CLEC4M: variants seen among roughly 807,000 people sequenced by gnomAD.
CLEC4M encodes the protein C-type lectin domain family 4 member M, also known as CD209 antigen-like protein 1.
Under a neutral mutation model 39.1 loss-of-function variants are expected in CLEC4M, and 25 were observed. The ratio of observed to expected loss-of-function variants is 0.64; its 90% CI spans 0.47 to 0.89. The LOEUF is 0.89. Among genes scored for constraint, CLEC4M ranks in the 40% least tolerant of loss-of-function variants. The pLI, the probability that CLEC4M is intolerant of heterozygous loss-of-function variation, is 0.00. For missense variants in CLEC4M, 353 were observed against 431.4 expected, an observed-to-expected ratio of 0.82 and a Z score of 1.61; for synonymous variants, 155 against 177.4, an observed-to-expected ratio of 0.87 and a Z score of 1.00.
In CLEC4M at chr19:7,767,647, G is replaced by T. The variant is rs371142211; in HGVS notation, c.1049+19G>T. The T allele has an allele frequency of 3.7e-6, 6 of 1,603,506 alleles. No individual in the cohort carries two copies. In the East Asian group the frequency reaches 1.3e-4, roughly 36 times the overall value. ...CACCCAGGTAGATTCTGGGAGAAAGGGACACTGTATCCAGTCGGGCTGGGT... is the reference window on the plus strand; with the variant it reads ...CACCCAGGTAGATTCTGGGAGAAAGTGACACTGTATCCAGTCGGGCTGGGT... On this transcript the variant is annotated intron_variant, in intron 6 of 6. Coordinates refer to ENST00000327325, the MANE Select transcript of CLEC4M (RefSeq NM_014257.5).
At chr19:7,768,778 T>C (rs2034391505) in intron 6 of CLEC4M, 60 bp from the exon 7 acceptor site, 8 of 1,580,896 alleles carry the variant, frequency 5.1e-6, no homozygotes, top group Middle Eastern at 1.7e-4. Flanking sequence ...TTACAGAAGG[T>C]AGGAGTGTGG....
intron 2 of CLEC4M, among the ~76,000 whole-genome samples, chr19:7,764,232 AG>A (rs1264503988): frequency 6.6e-6 from 1 of 152,034 alleles, no homozygotes; most frequent in Non-Finnish European, 1.5e-5. Flanking sequence ...AGATCTGTGC[AG>A]GGGGAAGCAT....
chr19:7,768,130 A>AT (rs2034359684), intron 6 of CLEC4M: 1 of 159,196 alleles, frequency 6.3e-6, no homozygotes, highest in African/African-American at 2.4e-5. Context: ...GATATGAAGC[A>AT]TTTTGTGGGC....
chr19:7,768,575 CAAAAAA>C (rs1315236511), intron 6 of CLEC4M: 1 of 287,700 alleles, frequency 3.5e-6, no homozygotes, highest in African/African-American at 2.2e-5. Context: ...GAATCTGTCT[CAAAAAA>C]AGAAAAAGAG....
At chr19:7,768,708 G>A (rs1452731275) in intron 6 of CLEC4M, 130 bp from the exon 7 acceptor site, 1 of 1,040,858 alleles carries the variant, frequency 9.6e-7, no homozygotes, top group Non-Finnish European at 1.4e-6. Flanking sequence ...CATATTATGA[G>A]GTGTGGAGAG....
At chr19:7,765,134 G>A (rs768755596) in intron 2 of CLEC4M, 51 bp from the exon 3 acceptor site, 2 of 1,600,366 alleles carry the variant, frequency 1.2e-6, no homozygotes, top group East Asian at 2.2e-5. Flanking sequence ...CTCTCCCTGG[G>A]CCAGGCTCAG....
chr19:7,767,120 T>G, intron 5 of CLEC4M: 1 of 458,606 alleles, frequency 2.2e-6, no homozygotes, highest in Non-Finnish European at 4.0e-6. Flanking sequence ...TGTAAATATT[T>G]CCACTGCGGC....
intron 2 of CLEC4M, 26 bp downstream of exon 2, chr19:7,763,502 G>C (rs1599500790): frequency 3.8e-6 from 6 of 1,596,544 alleles, no homozygotes; most frequent in Non-Finnish European, 4.3e-6. Flanking sequence ...GGAGCAGATA[G>C]TGGAAGACAG....
chr19:7,763,733 GT>G (rs1443513084), intron 2 of CLEC4M, among the ~76,000 whole-genome samples: 1 of 151,034 alleles, frequency 6.6e-6, no homozygotes, highest in Non-Finnish European at 1.5e-5. Flanking sequence ...AGAGGTGGGG[GT>G]TGGAAGCTGG....
At position 7,765,074 on chromosome 19, in the gene CLEC4M, G is replaced by GGCT. The variant is rs1599507347; in HGVS notation, c.131-109_131-107dup. 5.2e-6 allele frequency: 6 copies of GGCT among 1,146,392 alleles called. No homozygotes were observed. In the East Asian group the frequency reaches 1.4e-4, roughly 27 times the overall value. 71.0% of individuals were successfully genotyped at this position (1,146,392 alleles called of 1,614,324 possible). Reference sequence around the variant, plus strand: ...GATTCCCAGGTGTTGGAGTGGAGGGGGCTGGGGCTGGGGTTCCTGGGTCCT... The same window carrying GGCT: ...GATTCCCAGGTGTTGGAGTGGAGGGGGCTGCTGGGGCTGGGGTTCCTGGGTCCT... On this transcript the variant is annotated intron_variant, in intron 2 of 6. Transcript: ENST00000327325.
intron 4 of CLEC4M, 140 bp downstream of exon 4, chr19:7,766,347 T>G: frequency 1.3e-6 from 2 of 1,490,634 alleles, no homozygotes; most frequent in Admixed American, 4.3e-5. Context: ...ATCATTGCAC[T>G]TGGTGTTCAC....
chr19:7,766,544 C>A (rs1355485197), intron 4 of CLEC4M, 112 bp from the exon 5 acceptor site: 4 of 1,565,070 alleles, frequency 2.6e-6, no homozygotes, highest in Non-Finnish European at 3.5e-6. Context: ...GCGGTCCACC[C>A]AACATGGACA....
Position 7,763,321 on chromosome 19 carries a change from G to A in CLEC4M, c.46+9G>A. ...GCAGCTGGGCCTCCTGGGTAAGGCT[G>A]GGTTGGAACTCTGGGATCCTGGGTA... On this transcript the variant is annotated intron_variant, in intron 1 of 6. Coordinates refer to ENST00000327325, the MANE Select transcript of CLEC4M (RefSeq NM_014257.5). The A allele has an allele frequency of 1.2e-6, 2 of 1,611,450 alleles. No homozygotes were observed. The highest frequency in any genetic ancestry group is 8.5e-7 in the Non-Finnish European group (1 of 1,178,622).
rs1164800080 is a variant in CLEC4M, at chr19:7,767,344, A to G, written c.937-172A>G. ...TGCGTGCCTGCATGTCAGGACACAC[A>G]TGCCATGGGGATACAGATGTGAGAG... On this transcript the variant is annotated intron_variant, in intron 5 of 6. Coordinates refer to ENST00000327325, the MANE Select transcript of CLEC4M (RefSeq NM_014257.5). The G allele has an allele frequency of 5.1e-6, 3 of 589,734 alleles. No individual in the cohort carries two copies. The South Asian group carries it at 6.1e-5, about 12-fold the overall frequency. 36.5% of individuals were successfully genotyped at this position (589,734 alleles called of 1,614,324 possible). A position where few individuals can be genotyped will look rare whatever the true frequency, so the allele number is the denominator to read the frequency against.
rs769000372 is a variant in CLEC4M at position 7,766,227 on chromosome 19, G to T, written c.784+20G>T. ...CATTTGGTGAGTTCCTGCACATCAA[G>T]GGTCCTTGGGCCTGAGATGGTCTCT... On this transcript the variant is annotated intron_variant, in intron 4 of 6. Coordinates refer to ENST00000327325, the MANE Select transcript of CLEC4M (RefSeq NM_014257.5). 9.3e-6 allele frequency: 15 copies of T among 1,613,100 alleles called. No homozygotes were observed. The highest frequency in any genetic ancestry group is 1.3e-5 in the Non-Finnish European group (15 of 1,179,404).
At chr19:7,764,835 T>C (rs751480511) in intron 2 of CLEC4M, among the ~76,000 whole-genome samples, 3 of 152,194 alleles carry the variant, frequency 2.0e-5, no homozygotes, top group Non-Finnish European at 2.9e-5. Flanking sequence ...TTTCTCTTCC[T>C]CAGGGGGAAT....
At chr19:7,763,656 G>A (rs186967614) in intron 2 of CLEC4M, among the ~76,000 whole-genome samples, 180 bp downstream of exon 2, 1 of 152,064 alleles carries the variant, frequency 6.6e-6, no homozygotes, top group Non-Finnish European at 1.5e-5. Context: ...TGGGGAGGTG[G>A]GGGTTGAGGC....
rs757532710 is a variant in CLEC4M, at chr19:7,767,554, C to T, written c.975C>T (p.Phe325=). ...LQLQTSRSNR[F]SWMGLSDLNQ... is the part of the protein sequence containing the mutation. ...TGCAGACTTCCAGGAGTAACCGCTT[C>T]TCCTGGATGGGACTTTCAGACCTAA... The change falls in exon 6 of 7, where the codon TTC becomes TTT. Residue 325 remains phenylalanine, a synonymous_variant. Coordinates refer to ENST00000327325, the MANE Select transcript of CLEC4M (RefSeq NM_014257.5). The T allele has an allele frequency of 7.4e-6, 12 of 1,614,116 alleles. No individual in the cohort carries two copies. Among genetic ancestry groups the T allele is most frequent in the South Asian group, 1.1e-5 (1 of 91,090 alleles).
chr19:7,766,560 G>A, intron 4 of CLEC4M, 96 bp from the exon 5 acceptor site: 3 of 1,581,028 alleles, frequency 1.9e-6, no homozygotes, highest in African/African-American at 2.7e-5. Flanking sequence ...GGACAGTCAA[G>A]GAAGGGCCCT....
Sources: allele counts gnomAD v4.1 joint callset (sites outside exome capture counted in the v4.1 genomes callset), GRCh38; gene constraint gnomAD v4.1.1; transcripts MANE v1.5; gene names NCBI Gene and HGNC (gene_info 2026-07-23, HGNC 2026-07-21).